ARHGAP15: variants seen among roughly 807,000 people sequenced by gnomAD.
The protein encoded by ARHGAP15 is rho GTPase-activating protein 15.
A neutral mutation model predicts 63.7 loss-of-function variants in ARHGAP15; 51 were observed. That is an observed-to-expected ratio of 0.80 (90% CI 0.64 to 1.01). ARHGAP15 has a LOEUF of 1.01. Among genes scored for constraint, ARHGAP15 ranks in the 50% least tolerant of loss-of-function variants. ARHGAP15 has a pLI of 0.00. For synonymous variants in ARHGAP15, 191 were observed against 193.8 expected (o/e 0.99, Z 0.12); for missense variants, 560 against 564.6 (o/e 0.99, Z 0.08).
At chr2:143,691,567 C>T (rs1417898536) in intron 12 of ARHGAP15, among the ~76,000 whole-genome samples, 3 of 152,170 alleles carry the variant, frequency 2.0e-5, no homozygotes, top group African/African-American at 7.2e-5. Flanking sequence ...AAACTGGCAC[C>T]TGGAGTTTGA....
intron 6 of ARHGAP15, among the ~76,000 whole-genome samples, chr2:143,290,447 C>T (rs985119824): frequency 1.3e-5 from 2 of 151,932 alleles, no homozygotes; most frequent in Admixed American, 6.6e-5. Flanking sequence ...AAAAGGGCAG[C>T]GGCTATTCAA....
chr2:143,187,656 G>GA (rs763260592), intron 2 of ARHGAP15, among the ~76,000 whole-genome samples: 2 of 152,194 alleles, frequency 1.3e-5, no homozygotes, highest in Non-Finnish European at 2.9e-5. Context: ...TGCAGTCTTT[G>GA]AATCTACTAG....
At chr2:143,507,860 A>G (rs947724926) in intron 9 of ARHGAP15, among the ~76,000 whole-genome samples, 2 of 152,066 alleles carry the variant, frequency 1.3e-5, no homozygotes, top group South Asian at 4.2e-4. Flanking sequence ...TCTAAATTCA[A>G]CCACTTTTGA....
Position 143,334,888 on chromosome 2 carries a change from C to T in ARHGAP15, c.474+84288C>T, listed in dbSNP as rs376206819. 3.4e-4 allele frequency among the ~76,000 whole-genome samples: 52 copies of T among 152,232 alleles called. No individual in the cohort carries two copies. The South Asian group carries it at 1.0e-2, about 29-fold the overall frequency. ...GTTGGATCATCTGAGGTCGGGAGTT[C>T]GAGATCAAATAATTGCTTCAGATCT... On this transcript the variant is annotated intron_variant, in intron 6 of 13. Coordinates refer to ENST00000295095, the MANE Select transcript of ARHGAP15 (RefSeq NM_018460.4).
At chr2:143,348,524 T>A (rs998972614) in intron 6 of ARHGAP15, among the ~76,000 whole-genome samples, 2 of 152,190 alleles carry the variant, frequency 1.3e-5, no homozygotes, top group African/African-American at 4.8e-5. Flanking sequence ...GTTAAACTGG[T>A]GCTTCATTAC....
intron 12 of ARHGAP15, among the ~76,000 whole-genome samples, chr2:143,634,682 AT>A (rs943988433): frequency 1.3e-5 from 2 of 152,076 alleles, no homozygotes; most frequent in African/African-American, 4.8e-5. Flanking sequence ...CTGCTTTAAT[AT>A]TTTGCTTTGA....
At chr2:143,186,314 T>G (rs1001133587) in intron 2 of ARHGAP15, among the ~76,000 whole-genome samples, 1 of 152,232 alleles carries the variant, frequency 6.6e-6, no homozygotes, top group Non-Finnish European at 1.5e-5. Flanking sequence ...TAAAGGTTAT[T>G]CTGTTAAAGT....
At position 143,178,439 on chromosome 2, in the gene ARHGAP15, C is replaced by T. The variant is rs186862817; in HGVS notation, c.165+22784C>T. 3.3e-5 allele frequency among the ~76,000 whole-genome samples: 5 copies of T among 152,164 alleles called. No individual in the cohort carries two copies. In the East Asian group the frequency reaches 9.7e-4, roughly 29 times the overall value. Reference sequence around the variant, plus strand: ...TTAAAGAACTCATTAAAATCTAAGGCTTATCAGAAATTGATATTGGCTAAA... The same window carrying T: ...TTAAAGAACTCATTAAAATCTAAGGTTTATCAGAAATTGATATTGGCTAAA... On this transcript the variant is annotated intron_variant, in intron 2 of 13. Transcript: ENST00000295095.
chr2:143,411,042 T>TA (rs1157834939), intron 6 of ARHGAP15, among the ~76,000 whole-genome samples: 1 of 151,896 alleles, frequency 6.6e-6, no homozygotes, highest in Non-Finnish European at 1.5e-5. Context: ...CTGTCTTTAT[T>TA]AAAAATATAA....
At chr2:143,248,831 ATTG>A (rs1220046708) in intron 5 of ARHGAP15, among the ~76,000 whole-genome samples, 3 of 152,328 alleles carry the variant, frequency 2.0e-5, no homozygotes, top group Non-Finnish European at 2.9e-5. Context: ...ATTATCAATA[ATTG>A]TTGTACGTAG....
intron 6 of ARHGAP15, among the ~76,000 whole-genome samples, chr2:143,325,222 G>A (rs1202540383): frequency 6.6e-6 from 1 of 152,056 alleles, no homozygotes; most frequent in Non-Finnish European, 1.5e-5. Context: ...TTCTTGGACC[G>A]TATGTTCAAG....
At chr2:143,149,333 A>T (rs903064084) in intron 1 of ARHGAP15, among the ~76,000 whole-genome samples, 12 of 151,998 alleles carry the variant, frequency 7.9e-5, no homozygotes, top group Admixed American at 6.6e-4. Context: ...GCTAACACTC[A>T]TGAAATGGGA....
intron 6 of ARHGAP15, among the ~76,000 whole-genome samples, chr2:143,292,864 T>C (rs941197718): frequency 1.3e-5 from 2 of 152,036 alleles, no homozygotes; most frequent in African/African-American, 4.8e-5. Context: ...GAAGCTATTG[T>C]TGATTGTTTC....
chr2:143,673,744 G>GTATATA (rs1682655962), intron 12 of ARHGAP15, among the ~76,000 whole-genome samples: 2 of 24,692 alleles, frequency 8.1e-5, no homozygotes, highest in Non-Finnish European at 2.0e-4. Flanking sequence ...GTGTGTGTGT[G>GTATATA]TGTGTGTGTG....
chr2:143,576,832 A>G (rs974824620), intron 11 of ARHGAP15, among the ~76,000 whole-genome samples: 1 of 152,038 alleles, frequency 6.6e-6, no homozygotes, highest in African/African-American at 2.4e-5. Context: ...ATTTTGGTTG[A>G]CTCTAGTTCA....
chr2:143,673,742 G>GTATATA (rs1313470042), intron 12 of ARHGAP15, among the ~76,000 whole-genome samples: 1 of 25,902 alleles, frequency 3.9e-5, no homozygotes. Flanking sequence ...GTGTGTGTGT[G>GTATATA]TGTGTGTGTG....
At chr2:143,408,019 A>ATATATATG (rs1688282842) in intron 6 of ARHGAP15, among the ~76,000 whole-genome samples, 3 of 99,252 alleles carry the variant, frequency 3.0e-5, no homozygotes, top group Non-Finnish European at 6.0e-5. Flanking sequence ...ATATATATAT[A>ATATATATG]TATATATATA....
At chr2:143,520,348 T>C (rs1694007070) in intron 10 of ARHGAP15, among the ~76,000 whole-genome samples, 1 of 152,196 alleles carries the variant, frequency 6.6e-6, no homozygotes, top group Non-Finnish European at 1.5e-5. Flanking sequence ...CTGCAATTTC[T>C]AACTCCTGGA....
intron 11 of ARHGAP15, among the ~76,000 whole-genome samples, chr2:143,602,648 G>C (rs1300910359): frequency 1.3e-5 from 2 of 151,544 alleles, no homozygotes; most frequent in Non-Finnish European, 2.9e-5. Flanking sequence ...AAGCAAAGAA[G>C]GAAAGAAGGA....
Sources: allele counts gnomAD v4.1 joint callset (sites outside exome capture counted in the v4.1 genomes callset), GRCh38; gene constraint gnomAD v4.1.1; transcripts MANE v1.5; gene names NCBI Gene and HGNC (gene_info 2026-07-23, HGNC 2026-07-21).